The following SUGCT variants were observed in gnomAD, a reference collection of about 807,000 sequenced individuals.
The protein encoded by SUGCT is succinyl-CoA:glutarate CoA-transferase.
SUGCT carries 41 observed loss-of-function variants against 55.0 expected under a neutral mutation model. That is an observed-to-expected ratio of 0.74 (90% CI 0.58 to 0.97). SUGCT has a LOEUF of 0.97. SUGCT is among the 50% of genes least tolerant of loss of function. SUGCT has a pLI of 0.00. For missense variants in SUGCT, 568 were observed against 547.8 expected, an observed-to-expected ratio of 1.04 and a Z score of -0.37; for synonymous variants, 187 against 200.4, an observed-to-expected ratio of 0.93 and a Z score of 0.56.
At chr7:40,956,056 C>T in the SUGCT span, among the ~76,000 whole-genome samples, 1 of 152,202 alleles carries the variant, frequency 6.6e-6, no homozygotes. Flanking sequence ...ATTTTTGCAT[C>T]GATGTTCATC....
chr7:40,957,851 A>T, the SUGCT span, among the ~76,000 whole-genome samples: 2 of 152,114 alleles, frequency 1.3e-5, no homozygotes, highest in African/African-American at 4.8e-5. Flanking sequence ...CTTGTAAGGC[A>T]GGCCTGGTGG....
At chr7:40,687,560 T>C (rs1784517574) in intron 12 of SUGCT, among the ~76,000 whole-genome samples, 1 of 152,298 alleles carries the variant, frequency 6.6e-6, no homozygotes, top group South Asian at 2.1e-4. Flanking sequence ...TGTGTTCCTT[T>C]ATGAGGAGCT....
chr7:40,245,730 G>C (rs1789828578), intron 7 of SUGCT, among the ~76,000 whole-genome samples: 1 of 151,914 alleles, frequency 6.6e-6, no homozygotes, highest in East Asian at 1.9e-4. Flanking sequence ...GAGCCACTGT[G>C]CCCGGCATAG....
intron 13 of SUGCT, among the ~76,000 whole-genome samples, chr7:40,850,980 G>A (rs952664718): frequency 1.3e-5 from 2 of 152,176 alleles, no homozygotes; most frequent in Admixed American, 6.5e-5. Context: ...TGTTCTCAGG[G>A]ATTCATAAGA....
intron 12 of SUGCT, among the ~76,000 whole-genome samples, chr7:40,630,089 C>T (rs1358818797): frequency 6.6e-6 from 1 of 152,242 alleles, no homozygotes; most frequent in African/African-American, 2.4e-5. Context: ...CTCCTCACTT[C>T]CTCCTCAACC....
chr7:40,977,332 G>A, the SUGCT span, among the ~76,000 whole-genome samples: 5 of 152,208 alleles, frequency 3.3e-5, no homozygotes, highest in Non-Finnish European at 5.9e-5. Context: ...CAAGGTTGAA[G>A]GGACAGGACA....
intron 12 of SUGCT, among the ~76,000 whole-genome samples, chr7:40,516,523 G>C (rs1374533706): frequency 1.3e-5 from 2 of 151,848 alleles, no homozygotes; most frequent in Non-Finnish European, 2.9e-5. Context: ...TTTTGTATAG[G>C]GTATGAGGTA....
intron 12 of SUGCT, among the ~76,000 whole-genome samples, chr7:40,691,221 A>G (rs1784684729): frequency 6.6e-6 from 1 of 152,210 alleles, no homozygotes; most frequent in Non-Finnish European, 1.5e-5. Context: ...TTTGGGCTCA[A>G]GGTCAATCAA....
intron 12 of SUGCT, among the ~76,000 whole-genome samples, chr7:40,654,487 G>T (rs1394597447): frequency 6.6e-6 from 1 of 152,168 alleles, no homozygotes; most frequent in Non-Finnish European, 1.5e-5. Flanking sequence ...GATGACAAAG[G>T]CCTGTGCTTG....
At chr7:40,668,576 A>G (rs1366463493) in intron 12 of SUGCT, among the ~76,000 whole-genome samples, 1 of 152,198 alleles carries the variant, frequency 6.6e-6, no homozygotes, top group East Asian at 1.9e-4. Context: ...TAGATATTAT[A>G]TATGAAACAA....
At chr7:40,318,388 G>A (rs966304324) in intron 9 of SUGCT, among the ~76,000 whole-genome samples, 12 of 152,004 alleles carry the variant, frequency 7.9e-5, no homozygotes, top group African/African-American at 2.9e-4. Context: ...AACAATGTTG[G>A]AATCTATGGG....
chr7:40,376,767 A>G (rs1182479845), intron 9 of SUGCT, among the ~76,000 whole-genome samples: 1 of 150,316 alleles, frequency 6.7e-6, no homozygotes, highest in East Asian at 1.9e-4. Context: ...TAACAGTTGC[A>G]TACTACTCTA....
chr7:40,507,325 C>G (rs889187216), intron 12 of SUGCT, among the ~76,000 whole-genome samples: 1 of 152,120 alleles, frequency 6.6e-6, no homozygotes, highest in Non-Finnish European at 1.5e-5. Flanking sequence ...TTTTATCTGC[C>G]ACCTTGGGGT....
intron 12 of SUGCT, among the ~76,000 whole-genome samples, chr7:40,698,866 T>G (rs1785053999): frequency 6.6e-6 from 1 of 152,214 alleles, no homozygotes; most frequent in African/African-American, 2.4e-5. Context: ...ATTTCTGGTC[T>G]GCTGAAAAGG....
intron 1 of SUGCT, among the ~76,000 whole-genome samples, chr7:40,143,396 G>A (rs904014846): frequency 2.6e-5 from 4 of 152,194 alleles, no homozygotes; most frequent in Non-Finnish European, 1.5e-5. Flanking sequence ...GGGCTGACCC[G>A]CAGCATGCTG....
intron 9 of SUGCT, among the ~76,000 whole-genome samples, chr7:40,395,694 G>A (rs560601659): frequency 1.1e-4 from 16 of 152,014 alleles, no homozygotes; most frequent in African/African-American, 2.4e-4. Flanking sequence ...TTCTTCTGTT[G>A]TCTCAGGGAC....
In SUGCT at chr7:40,838,398, G is replaced by A. The variant is rs547901668; in HGVS notation, c.1154-21918G>A. Among the ~76,000 whole-genome samples, 33 of 152,240 alleles carry A rather than the reference G, an allele frequency of 2.2e-4. 1 individual carries two copies. The East Asian group carries it at 5.0e-3, about 23-fold the overall frequency. On this transcript the variant is annotated intron_variant, in intron 13 of 13. Coordinates refer to ENST00000335693, the MANE Select transcript of SUGCT (RefSeq NM_001193313.2). ...TTGTATTTTCAAATTTATGAACACA[G>A]TATGTCTCTCCATTTACTTAGGTCT...
chr7:40,928,626 G>T, the SUGCT span, among the ~76,000 whole-genome samples: 1 of 148,406 alleles, frequency 6.7e-6, no homozygotes, highest in African/African-American at 2.5e-5. Flanking sequence ...TTGAGACGGA[G>T]TCTTGCTCCA....
intron 12 of SUGCT, among the ~76,000 whole-genome samples, chr7:40,746,938 G>A (rs897347293): frequency 6.6e-6 from 1 of 152,198 alleles, no homozygotes; most frequent in Non-Finnish European, 1.5e-5. Context: ...GAATGATTCA[G>A]TGTGCAGATA....
Sources: gnomAD v4.1 joint callset for allele counts (sites outside exome capture counted in the v4.1 genomes callset) on GRCh38, gnomAD v4.1.1 for gene constraint, MANE v1.5 for transcripts, NCBI Gene and HGNC (gene_info 2026-07-23, HGNC 2026-07-21) for gene names.